Variants in HDAC8 observed in about 807,000 individuals in gnomAD.
HDAC8 encodes histone deacetylase 8.
A neutral mutation model predicts 32.2 loss-of-function variants in HDAC8; 1 was observed. The ratio of observed to expected loss-of-function variants is 0.03; its 90% CI spans 0.01 to 0.15. HDAC8 has a LOEUF of 0.15. Among genes scored for constraint, HDAC8 ranks in the 10% least tolerant of loss-of-function variants. The pLI is 1.00. For synonymous variants in HDAC8, 108 were observed against 113.9 expected, an observed-to-expected ratio of 0.95 and a Z score of 0.33; for missense variants, 117 against 300.0, an observed-to-expected ratio of 0.39 and a Z score of 4.51.
At chrX:72,415,095 G>C (rs981810615) in intron 9 of HDAC8, among the ~76,000 whole-genome samples, 1 of 112,128 alleles carries the variant, frequency 8.9e-6, no homozygotes, top group African/African-American at 3.2e-5. Context: ...CTATAGAAAA[G>C]CTACAAAAAC....
At chrX:72,567,531 C>T in intron 4 of HDAC8, 1 of 421,435 alleles carries the variant, frequency 2.4e-6, no homozygotes, top group Non-Finnish European at 4.1e-6. Context: ...CTGTAAGTCC[C>T]TCGAAGACAG....
In HDAC8 at chrX:72,489,989, A is replaced by G. The variant is rs1556008287; in HGVS notation, c.628+940T>C. 5.4e-5 allele frequency among the ~76,000 whole-genome samples: 6 copies of G among 112,080 alleles called. No homozygotes were observed. In the South Asian group the frequency reaches 1.9e-3, roughly 35 times the overall value. On this transcript the variant is annotated intron_variant, in intron 6 of 10. Transcript: ENST00000373573. ...AAAGAAGACATTTATGCAGCCAAAA[A>G]ACACATGAAAAAACGCTCACCATCA...
Position 72,393,119 on chromosome X carries a change from A to G in HDAC8, c.1006-41281T>C, listed in dbSNP as rs782611029. 3.6e-5 allele frequency among the ~76,000 whole-genome samples: 4 copies of G among 112,078 alleles called. No individual in the cohort carries two copies. In the South Asian group the frequency reaches 1.5e-3, roughly 42 times the overall value. On this transcript the variant is annotated intron_variant, in intron 9 of 10. Transcript: ENST00000373573. ...TCCGTTGAATTTAGCTGAAACAAAG[A>G]CTAGTCTTGCTTCCAAATCATTGTT...
chrX:72,555,008 C>T (rs909621770), intron 4 of HDAC8, among the ~76,000 whole-genome samples: 11 of 111,982 alleles, frequency 9.8e-5, no homozygotes, highest in Admixed American at 2.8e-4. Context: ...TAAGGACCCT[C>T]CACTTCACTC....
At chrX:72,441,202 C>G (rs954293322) in intron 9 of HDAC8, among the ~76,000 whole-genome samples, 5 of 112,754 alleles carry the variant, frequency 4.4e-5, no homozygotes, top group African/African-American at 9.7e-5. Context: ...CAGCATGCAG[C>G]TGGAGATCTG....
intron 9 of HDAC8, among the ~76,000 whole-genome samples, chrX:72,444,285 C>T (rs1423262662): frequency 1.9e-5 from 2 of 106,952 alleles, no homozygotes; most frequent in African/African-American, 6.9e-5. Context: ...CAAAAATCCT[C>T]AATAAAATAC....
chrX:72,445,344 A>G (rs1430829112), intron 9 of HDAC8, among the ~76,000 whole-genome samples: 2 of 111,252 alleles, frequency 1.8e-5, no homozygotes, highest in Non-Finnish European at 3.8e-5. Context: ...GATATAGATC[A>G]ATGGAACAGA....
At chrX:72,353,490 C>T (rs1408746376) in intron 9 of HDAC8, among the ~76,000 whole-genome samples, 2 of 111,522 alleles carry the variant, frequency 1.8e-5, no homozygotes, top group Admixed American at 1.9e-4. Flanking sequence ...CTTTACCAAA[C>T]CCATATGTGG....
At position 72,405,869 on chromosome X, in the gene HDAC8, A is replaced by AT. The variant is rs200817693; in HGVS notation, c.1006-54032dup. Among the ~76,000 whole-genome samples, 35 of 111,183 alleles carry AT rather than the reference A, an allele frequency of 3.1e-4. 1 individual carries two copies. In the East Asian group the frequency reaches 9.8e-3, roughly 31 times the overall value. On this transcript the variant is annotated intron_variant, in intron 9 of 10. Coordinates refer to ENST00000373573, the MANE Select transcript of HDAC8 (RefSeq NM_018486.3). The stretch of plus-strand genomic sequence containing the variant: ...TGAGGTTTTTAATGTCAATTACTGT[A>AT]TTTTTCATTTCTATGTATTCTGTTT...
At chrX:72,457,792 C>T (rs781968010) in intron 9 of HDAC8, among the ~76,000 whole-genome samples, 2 of 111,680 alleles carry the variant, frequency 1.8e-5, no homozygotes, top group South Asian at 7.5e-4. Context: ...AGATTCAGTG[C>T]CATCTACAGG....
intron 7 of HDAC8, among the ~76,000 whole-genome samples, chrX:72,478,903 C>A: frequency 9.1e-6 from 1 of 110,342 alleles, no homozygotes; most frequent in African/African-American, 3.3e-5. Context: ...GTGATCTGCC[C>A]GCCTCAGCCT....
intron 9 of HDAC8, among the ~76,000 whole-genome samples, chrX:72,447,445 A>C (rs782430497): frequency 3.6e-5 from 4 of 112,034 alleles, no homozygotes; most frequent in African/African-American, 1.3e-4. Flanking sequence ...TCTCAAAATA[A>C]TAAGAGCTAT....
At chrX:72,566,519 G>A (rs1018868925) in intron 4 of HDAC8, among the ~76,000 whole-genome samples, 1 of 111,772 alleles carries the variant, frequency 8.9e-6, no homozygotes, top group Admixed American at 9.5e-5. Flanking sequence ...TCAATTTGAT[G>A]GAAAAAATTC....
chrX:72,563,174 AC>A (rs2051645245), intron 4 of HDAC8, among the ~76,000 whole-genome samples: 1 of 111,490 alleles, frequency 9.0e-6, no homozygotes, highest in Admixed American at 9.5e-5. Context: ...GAGCCACTGC[AC>A]CCAGCCAAGA....
chrX:72,451,435 G>A (rs1277786751), intron 9 of HDAC8, among the ~76,000 whole-genome samples: 1 of 112,254 alleles, frequency 8.9e-6, no homozygotes, highest in Non-Finnish European at 1.9e-5. Context: ...GGCTTCAAGT[G>A]ATCTGCCTGC....
intron 10 of HDAC8, among the ~76,000 whole-genome samples, chrX:72,337,730 C>T (rs1261997275): frequency 5.4e-5 from 6 of 111,617 alleles, no homozygotes; most frequent in Non-Finnish European, 1.1e-4. Flanking sequence ...CCACATCACT[C>T]CTATGCTCAA....
chrX:72,420,918 C>G (rs998801619), intron 9 of HDAC8, among the ~76,000 whole-genome samples: 32 of 110,989 alleles, frequency 2.9e-4, no homozygotes, highest in Middle Eastern at 4.2e-3. Flanking sequence ...TTCTGCCAAT[C>G]TCTGCCTTTT....
At chrX:72,442,107 C>A (rs1454504712) in intron 9 of HDAC8, among the ~76,000 whole-genome samples, 35 of 111,239 alleles carry the variant, frequency 3.1e-4, no homozygotes, top group Admixed American at 2.6e-3. Flanking sequence ...TTGGAAAACA[C>A]TCTTCAGGAT....
At position 72,428,392 on chromosome X, in the gene HDAC8, G is replaced by A. The variant is rs915392646; in HGVS notation, c.1005+33612C>T. Among the ~76,000 whole-genome samples, 7 of 112,321 alleles carry A rather than the reference G, an allele frequency of 6.2e-5. No homozygotes were observed. The East Asian group carries it at 1.4e-3, about 22-fold the overall frequency. The stretch of plus-strand genomic sequence containing the variant: ...CAGGTGTGAGCCACCGCGCCCTGCC[G>A]ATTATGAATCTTTCCAAAGCAGGAA... On this transcript the variant is annotated intron_variant, in intron 9 of 10. Transcript: ENST00000373573.
Sources: allele counts gnomAD v4.1 joint callset (sites outside exome capture counted in the v4.1 genomes callset), GRCh38; gene constraint gnomAD v4.1.1; transcripts MANE v1.5; gene names NCBI Gene and HGNC (gene_info 2026-07-23, HGNC 2026-07-21).